The following GRM1 variants were observed in gnomAD, a reference collection of about 807,000 sequenced individuals.
GRM1 encodes the protein metabotropic glutamate receptor 1.
Under a neutral mutation model 90.9 loss-of-function variants are expected in GRM1, and 33 were observed. The observed-to-expected ratio is 0.36, with a 90% CI of 0.28 to 0.49. The LOEUF is 0.49. Ranked by LOEUF, GRM1 falls within the 20% of genes least tolerant of loss-of-function variation. The pLI is 0.99. For synonymous variants in GRM1, 700 were observed against 613.2 expected (o/e 1.14, Z -2.09); for missense variants, 1,190 against 1,534.3 (o/e 0.78, Z 3.75).
intron 2 of GRM1, among the ~76,000 whole-genome samples, chr6:146,258,635 A>G (rs1249512152): frequency 1.3e-5 from 2 of 151,892 alleles, no homozygotes; most frequent in Non-Finnish European, 2.9e-5. Flanking sequence ...TCCTCCTGCC[A>G]TGGCCTCTGA....
At chr6:146,271,296 G>A (rs1782154540) in intron 2 of GRM1, among the ~76,000 whole-genome samples, 1 of 152,014 alleles carries the variant, frequency 6.6e-6, no homozygotes, top group Admixed American at 6.6e-5. Flanking sequence ...GAGCCACTGT[G>A]CCCGGCCAGA....
intron 3 of GRM1, among the ~76,000 whole-genome samples, chr6:146,313,276 A>G (rs1783837744): frequency 6.6e-6 from 1 of 152,222 alleles, no homozygotes; most frequent in South Asian, 2.1e-4. Context: ...ATTTGGTTAT[A>G]ACTATTAATA....
At chr6:146,322,921 A>G (rs1338887663) in intron 3 of GRM1, among the ~76,000 whole-genome samples, 1 of 152,168 alleles carries the variant, frequency 6.6e-6, no homozygotes, top group Non-Finnish European at 1.5e-5. Context: ...GTCCCTACAA[A>G]GGACATGAAC....
chr6:146,041,407 G>T (rs1378373293), intron 1 of GRM1, among the ~76,000 whole-genome samples: 1 of 151,974 alleles, frequency 6.6e-6, no homozygotes, highest in Non-Finnish European at 1.5e-5. Flanking sequence ...TGTATTTACA[G>T]GTTCTATGCT....
intron 3 of GRM1, among the ~76,000 whole-genome samples, chr6:146,341,760 G>C (rs1784990173): frequency 6.6e-6 from 1 of 152,162 alleles, no homozygotes; most frequent in South Asian, 2.1e-4. Context: ...GCTTGTGCAA[G>C]GTCACTTTGC....
rs182957129 is a variant in GRM1 at position 146,435,763 on chromosome 6, A to G, written c.*967A>G. On this transcript the variant is annotated 3_prime_UTR_variant, in exon 8 of 8. Transcript: ENST00000282753. ...TGTGTTTGTGCCAAGCGGGCTTTCC[A>G]TTGACCTTCAGTTAAAGAACAAACC... 3.9e-5 allele frequency: 6 copies of G among 152,756 alleles called. No homozygotes were observed. The highest frequency in any genetic ancestry group is 2.6e-4 in the Admixed American group (4 of 15,304). The allele number at this position is 152,756 out of a possible 1,614,324, so 9.5% of individuals were successfully genotyped here. A position where few individuals can be genotyped will look rare whatever the true frequency, so the allele number is the denominator to read the frequency against.
intron 2 of GRM1, 44 bp downstream of exon 2, chr6:146,159,641 T>TCTCTCTCTCTCTCTCA (rs372590505): frequency 6.9e-6 from 5 of 728,776 alleles, no homozygotes; most frequent in African/African-American, 5.1e-5. Flanking sequence ...TCTCTCTCTC[T>TCTCTCTCTCTCTCTCA]CACACACACA....
chr6:146,186,167 G>A (rs1778726187), intron 2 of GRM1, among the ~76,000 whole-genome samples: 1 of 148,520 alleles, frequency 6.7e-6, no homozygotes, highest in South Asian at 2.1e-4. Flanking sequence ...TAGTAGTGAC[G>A]GGGTTTCACC....
chr6:146,127,244 C>T (rs1309603068), intron 1 of GRM1, among the ~76,000 whole-genome samples: 2 of 152,172 alleles, frequency 1.3e-5, no homozygotes, highest in Non-Finnish European at 2.9e-5. Context: ...AGGGGCTACA[C>T]TGAACATCCT....
At chr6:146,222,705 G>A (rs996996436) in intron 2 of GRM1, among the ~76,000 whole-genome samples, 1 of 152,024 alleles carries the variant, frequency 6.6e-6, no homozygotes, top group East Asian at 1.9e-4. Context: ...ATTGAGAAAC[G>A]CCCCCATAGA....
At chr6:146,056,495 A>G (rs1481557145) in intron 1 of GRM1, among the ~76,000 whole-genome samples, 2 of 152,194 alleles carry the variant, frequency 1.3e-5, no homozygotes, top group Non-Finnish European at 2.9e-5. Flanking sequence ...GTTTGAGAGC[A>G]CTGCCTTAGA....
At chr6:146,316,668 A>G (rs1029184507) in intron 3 of GRM1, among the ~76,000 whole-genome samples, 1 of 151,854 alleles carries the variant, frequency 6.6e-6, no homozygotes, top group Admixed American at 6.6e-5. Flanking sequence ...TCTTGCATCC[A>G]CTCTCAGGGA....
chr6:146,195,667 G>T (rs1353237321), intron 2 of GRM1, among the ~76,000 whole-genome samples: 1 of 152,192 alleles, frequency 6.6e-6, no homozygotes, highest in Admixed American at 6.5e-5. Context: ...TGAGGCTGAT[G>T]TTTTGATTCT....
chr6:146,140,091 TTC>T (rs1402150141), intron 1 of GRM1, among the ~76,000 whole-genome samples: 1 of 7,912 alleles, frequency 1.3e-4, no homozygotes, highest in Non-Finnish European at 2.9e-4. Flanking sequence ...TCTTTCTTTA[TTC>T]TTTCTTTCTT....
chr6:146,349,373 G>T (rs1004397161), intron 3 of GRM1, among the ~76,000 whole-genome samples: 3 of 151,614 alleles, frequency 2.0e-5, no homozygotes, highest in South Asian at 4.2e-4. Flanking sequence ...GAGCCACCAC[G>T]CCCGGCCGTA....
chr6:146,357,491 T>C, intron 4 of GRM1, 35 bp from the exon 5 acceptor site: 1 of 1,513,312 alleles, frequency 6.6e-7, no homozygotes, highest in Non-Finnish European at 9.2e-7. Flanking sequence ...ATTATGTCTA[T>C]ATTCTATAAG....
At chr6:146,195,735 G>C (rs1431043883) in intron 2 of GRM1, among the ~76,000 whole-genome samples, 1 of 152,210 alleles carries the variant, frequency 6.6e-6, no homozygotes, top group Non-Finnish European at 1.5e-5. Flanking sequence ...CAGTAAAAGG[G>C]AAGATGCACA....
At chr6:146,362,049 C>G (rs1223964370) in intron 5 of GRM1, among the ~76,000 whole-genome samples, 2 of 152,132 alleles carry the variant, frequency 1.3e-5, no homozygotes, top group African/African-American at 2.4e-5. Context: ...TCACTGGCCT[C>G]CTGTTCTTTC....
At chr6:146,162,143 C>G (rs937396004) in intron 2 of GRM1, among the ~76,000 whole-genome samples, 7 of 152,174 alleles carry the variant, frequency 4.6e-5, no homozygotes, top group African/African-American at 1.7e-4. Flanking sequence ...ATTTTATCTA[C>G]CAAATGTTGA....
Sources: gnomAD v4.1 joint callset for allele counts (sites outside exome capture counted in the v4.1 genomes callset) on GRCh38, gnomAD v4.1.1 for gene constraint, MANE v1.5 for transcripts, NCBI Gene and HGNC (gene_info 2026-07-23, HGNC 2026-07-21) for gene names.